The following AUTS2 variants were observed in gnomAD, a reference collection of about 807,000 sequenced individuals.
AUTS2 encodes the protein autism susceptibility gene 2 protein.
A neutral mutation model predicts 112.4 loss-of-function variants in AUTS2; 17 were observed. That is an observed-to-expected ratio of 0.15 (90% confidence interval 0.10 to 0.23). The LOEUF is 0.23. Ranked by LOEUF, AUTS2 falls within the 10% of genes least tolerant of loss-of-function variation. AUTS2 has a pLI of 1.00. For synonymous variants in AUTS2, 751 were observed against 702.7 expected (o/e 1.07, Z -1.09); for missense variants, 1,510 against 1,701.6 (o/e 0.89, Z 1.98).
At chr7:69,864,778 G>A (rs1251817789) in intron 1 of AUTS2, among the ~76,000 whole-genome samples, 3 of 152,190 alleles carry the variant, frequency 2.0e-5, no homozygotes, top group Non-Finnish European at 4.4e-5. Flanking sequence ...GGTTGGCACT[G>A]ACACTGTGAT....
chr7:70,131,774 A>C (rs1806284665), intron 3 of AUTS2, among the ~76,000 whole-genome samples: 1 of 152,066 alleles, frequency 6.6e-6, no homozygotes, highest in Non-Finnish European at 1.5e-5. Flanking sequence ...GCGAGACCTC[A>C]GGGATATATG....
In AUTS2 at chr7:70,537,190, C is replaced by T. The variant is rs142292852; in HGVS notation, c.690+101409C>T. 2.2e-3 allele frequency among the ~76,000 whole-genome samples: 331 copies of T among 152,316 alleles called. 1 individual carries two copies. The highest frequency in any genetic ancestry group is 7.7e-3 in the African/African-American group (320 of 41,556). On this transcript the variant is annotated intron_variant, in intron 5 of 18. Coordinates refer to ENST00000342771, the MANE Select transcript of AUTS2 (RefSeq NM_015570.4). ...TATGTTCCCCTCCACCTCCTTCCCA[C>T]CAGTACCCAGCGTGAGGTCTGTACA... is the stretch of plus-strand genomic sequence containing the variant.
chr7:69,715,647 G>A (rs1483677944), intron 1 of AUTS2, among the ~76,000 whole-genome samples: 1 of 152,202 alleles, frequency 6.6e-6, no homozygotes, highest in African/African-American at 2.4e-5. Context: ...ATGGAGAGAT[G>A]AAGGATTGGT....
chr7:69,972,872 T>C (rs983440972), intron 2 of AUTS2, among the ~76,000 whole-genome samples: 5 of 152,160 alleles, frequency 3.3e-5, no homozygotes, highest in Admixed American at 6.5e-5. Context: ...TCTACCAAGA[T>C]CAAAAAGTCT....
chr7:69,743,567 A>G (rs1291629231), intron 1 of AUTS2, among the ~76,000 whole-genome samples: 1 of 152,148 alleles, frequency 6.6e-6, no homozygotes, highest in Non-Finnish European at 1.5e-5. Flanking sequence ...AGCTACAGTC[A>G]CCACTGCTAT....
chr7:70,099,383 C>T (rs989452994), intron 2 of AUTS2, among the ~76,000 whole-genome samples: 1 of 152,122 alleles, frequency 6.6e-6, no homozygotes. Flanking sequence ...TAGCATCTTC[C>T]TTAACTTAGG....
rs377701070 is a variant in AUTS2 at position 70,350,916 on chromosome 7, T to A, written c.661-84836T>A. Among the ~76,000 whole-genome samples the A allele has an allele frequency of 1.3e-4, 20 of 152,274 alleles. 1 individual carries two copies. Among genetic ancestry groups the A allele is most frequent in the East Asian group, 1.2e-3 (6 of 5,182 alleles). ...GGTAACCGCCATTGTGTTTTTTGTT[T>A]CTATGTCTTTGACTGTTGTTTTTTA... is the stretch of plus-strand genomic sequence containing the variant. On this transcript the variant is annotated intron_variant, in intron 4 of 18. Transcript: ENST00000342771.
intron 2 of AUTS2, among the ~76,000 whole-genome samples, chr7:69,996,946 T>TAAAAAAA (rs1161825217): frequency 1.2e-4 from 12 of 99,034 alleles, no homozygotes; most frequent in African/African-American, 2.1e-4. Context: ...CTGGAACACT[T>TAAAAAAA]AAAAAAAAAA....
intron 3 of AUTS2, among the ~76,000 whole-genome samples, chr7:70,131,025 C>T (rs1472232433): frequency 6.6e-6 from 1 of 152,060 alleles, no homozygotes; most frequent in Admixed American, 6.6e-5. Flanking sequence ...CTTAAAAAAA[C>T]ATCTTAACTT....
At chr7:69,670,923 T>C (rs1796292206) in intron 1 of AUTS2, among the ~76,000 whole-genome samples, 1 of 151,980 alleles carries the variant, frequency 6.6e-6, no homozygotes, top group Non-Finnish European at 1.5e-5. Flanking sequence ...GTGGCTTGAG[T>C]TTCGAGTTAG....
chr7:70,307,746 A>G (rs1240111451), intron 4 of AUTS2, among the ~76,000 whole-genome samples: 4 of 152,290 alleles, frequency 2.6e-5, no homozygotes, highest in Middle Eastern at 3.4e-3. Context: ...AGTAATCAAG[A>G]CTTCACTAAA....
intron 4 of AUTS2, among the ~76,000 whole-genome samples, chr7:70,300,579 T>C (rs1562862757): frequency 6.6e-6 from 1 of 152,190 alleles, no homozygotes; most frequent in Non-Finnish European, 1.5e-5. Context: ...CCTTTACTAG[T>C]ACATGTTTGT....
At chr7:69,792,246 T>G (rs1245996957) in intron 1 of AUTS2, among the ~76,000 whole-genome samples, 1 of 151,612 alleles carries the variant, frequency 6.6e-6, no homozygotes, top group Non-Finnish European at 1.5e-5. Flanking sequence ...TTTTTTTGTT[T>G]TGTTTTTTTT....
chr7:70,364,280 T>G (rs1001594812), intron 4 of AUTS2, among the ~76,000 whole-genome samples: 4 of 151,436 alleles, frequency 2.6e-5, no homozygotes, highest in Non-Finnish European at 2.9e-5. Context: ...AAAAAAAAAT[T>G]AGGCCGGGCG....
intron 1 of AUTS2, among the ~76,000 whole-genome samples, chr7:69,669,915 G>A (rs919495235): frequency 1.3e-5 from 2 of 152,190 alleles, no homozygotes; most frequent in African/African-American, 2.4e-5. Flanking sequence ...TAGAGATGGA[G>A]ACCTGGTTTC....
chr7:70,729,112 C>T (rs574969214), intron 6 of AUTS2: 119 of 455,248 alleles, frequency 2.6e-4, no homozygotes, highest in Admixed American at 1.1e-3. Context: ...CAAAATGGGG[C>T]GAAAACGACG....
At chr7:70,765,613 A>G (rs1234458986) in intron 8 of AUTS2, among the ~76,000 whole-genome samples, 1 of 152,236 alleles carries the variant, frequency 6.6e-6, no homozygotes, top group Non-Finnish European at 1.5e-5. Flanking sequence ...TATAGCAGTA[A>G]TTGACACTTG....
At chr7:69,655,777 G>A (rs980544389) in intron 1 of AUTS2, among the ~76,000 whole-genome samples, 2 of 152,110 alleles carry the variant, frequency 1.3e-5, no homozygotes, top group South Asian at 4.1e-4. Flanking sequence ...CTCAGGGGAG[G>A]GCCGTGCCTT....
intron 1 of AUTS2, among the ~76,000 whole-genome samples, chr7:69,879,609 A>G (rs1285987069): frequency 1.3e-5 from 2 of 152,156 alleles, no homozygotes; most frequent in Non-Finnish European, 2.9e-5. Flanking sequence ...TAAGCACATT[A>G]TATATATTAA....
Sources: allele counts gnomAD v4.1 joint callset (sites outside exome capture counted in the v4.1 genomes callset), GRCh38; gene constraint gnomAD v4.1.1; transcripts MANE v1.5; gene names NCBI Gene and HGNC (gene_info 2026-07-23, HGNC 2026-07-21).